The following ARHGAP15 variants were observed in gnomAD, a reference collection of about 807,000 sequenced individuals.
The protein encoded by ARHGAP15 is Rho GTPase activating protein 15.
A neutral mutation model predicts 63.7 loss-of-function variants in ARHGAP15; 51 were observed. The ratio of observed to expected loss-of-function variants is 0.80; its 90% CI spans 0.64 to 1.01. The LOEUF is 1.01. Among genes scored for constraint, ARHGAP15 ranks in the 50% least tolerant of loss-of-function variants. ARHGAP15 has a pLI of 0.00. For missense variants in ARHGAP15, 560 were observed against 564.6 expected (o/e 0.99, Z 0.08); for synonymous variants, 191 against 193.8 (o/e 0.99, Z 0.12).
chr2:143,294,773 C>T (rs1682565041), intron 6 of ARHGAP15, among the ~76,000 whole-genome samples: 1 of 152,072 alleles, frequency 6.6e-6, no homozygotes, highest in South Asian at 2.1e-4. Flanking sequence ...GATTCAGGTT[C>T]TCTAACATCC....
intron 10 of ARHGAP15, among the ~76,000 whole-genome samples, chr2:143,552,362 A>G (rs1197234852): frequency 6.6e-6 from 1 of 152,190 alleles, no homozygotes; most frequent in African/African-American, 2.4e-5. Context: ...ACTCATCTGC[A>G]TTGTCAAAAA....
At chr2:143,690,665 C>A (rs1247537568) in intron 12 of ARHGAP15, among the ~76,000 whole-genome samples, 1 of 152,142 alleles carries the variant, frequency 6.6e-6, no homozygotes, top group Non-Finnish European at 1.5e-5. Flanking sequence ...ATCTAAACCA[C>A]ACCTTGGTTC....
chr2:143,539,925 T>A (rs1694966709), intron 10 of ARHGAP15, among the ~76,000 whole-genome samples: 1 of 151,984 alleles, frequency 6.6e-6, no homozygotes, highest in Non-Finnish European at 1.5e-5. Context: ...GTTCAATTCC[T>A]GGATATCCTT....
At chr2:143,569,250 C>T (rs547132515) in intron 11 of ARHGAP15, among the ~76,000 whole-genome samples, 1 of 152,098 alleles carries the variant, frequency 6.6e-6, no homozygotes, top group East Asian at 1.9e-4. Flanking sequence ...TCTTGAAAAC[C>T]TTTTATGAAC....
intron 13 of ARHGAP15, among the ~76,000 whole-genome samples, chr2:143,730,003 G>A (rs1329028931): frequency 1.3e-5 from 2 of 152,136 alleles, no homozygotes; most frequent in Non-Finnish European, 2.9e-5. Flanking sequence ...TAGAGGTCAG[G>A]AATTGGACTT....
chr2:143,544,184 A>G (rs1403336335), intron 10 of ARHGAP15, among the ~76,000 whole-genome samples: 2 of 152,172 alleles, frequency 1.3e-5, no homozygotes, highest in Non-Finnish European at 2.9e-5. Flanking sequence ...CCCCAATAAG[A>G]AATAGTTTAT....
intron 8 of ARHGAP15, among the ~76,000 whole-genome samples, chr2:143,445,319 C>T (rs1054321339): frequency 7.2e-5 from 11 of 151,846 alleles, no homozygotes; most frequent in African/African-American, 1.9e-4. Context: ...GGCAACACCA[C>T]GCCTGGCTAA....
intron 6 of ARHGAP15, among the ~76,000 whole-genome samples, chr2:143,434,511 A>G (rs915010214): frequency 6.6e-6 from 1 of 152,132 alleles, no homozygotes; most frequent in African/African-American, 2.4e-5. Flanking sequence ...AGAATTATAG[A>G]GATGGCCTAA....
At chr2:143,702,471 G>C (rs917162622) in intron 12 of ARHGAP15, among the ~76,000 whole-genome samples, 1 of 152,026 alleles carries the variant, frequency 6.6e-6, no homozygotes, top group Admixed American at 6.6e-5. Context: ...AGGGAAAAAG[G>C]ATAACATGGA....
At chr2:143,536,895 G>T (rs1694796084) in intron 10 of ARHGAP15, among the ~76,000 whole-genome samples, 1 of 152,164 alleles carries the variant, frequency 6.6e-6, no homozygotes, top group South Asian at 2.1e-4. Context: ...ACCCAGTAAT[G>T]AGATGGCTGG....
chr2:143,646,405 G>A (rs1680880646), intron 12 of ARHGAP15, among the ~76,000 whole-genome samples: 1 of 152,050 alleles, frequency 6.6e-6, no homozygotes, highest in Admixed American at 6.6e-5. Context: ...TGGAGGCTCT[G>A]CCTTTTTTGC....
intron 10 of ARHGAP15, among the ~76,000 whole-genome samples, chr2:143,526,962 A>G (rs530961379): frequency 2.6e-5 from 4 of 152,180 alleles, no homozygotes; most frequent in Admixed American, 6.6e-5. Flanking sequence ...AAGAATCTAT[A>G]CATTGTATTT....
At chr2:143,425,800 C>G (rs1454033687) in intron 6 of ARHGAP15, among the ~76,000 whole-genome samples, 1 of 152,048 alleles carries the variant, frequency 6.6e-6, no homozygotes, top group Non-Finnish European at 1.5e-5. Flanking sequence ...TCATGGAGAG[C>G]AAAATCTAGA....
intron 11 of ARHGAP15, among the ~76,000 whole-genome samples, chr2:143,559,388 C>T (rs753921915): frequency 6.6e-6 from 1 of 152,180 alleles, no homozygotes; most frequent in Non-Finnish European, 1.5e-5. Context: ...TAAGGCTGGA[C>T]AGAGGCCTGA....
At position 143,587,043 on chromosome 2, in the gene ARHGAP15, C is replaced by A. The variant is rs1216017498; in HGVS notation, c.1003+30558C>A. 2.0e-5 allele frequency among the ~76,000 whole-genome samples: 3 copies of A among 152,052 alleles called. No homozygotes were observed. In the East Asian group the frequency reaches 5.8e-4, roughly 29 times the overall value. Reference sequence around the variant, plus strand: ...TTTGGCACTGTTCCTATGTGATGATCCTGAGGAATGGACAATAAAATGATT... The same window carrying A: ...TTTGGCACTGTTCCTATGTGATGATACTGAGGAATGGACAATAAAATGATT... On this transcript the variant is annotated intron_variant, in intron 11 of 13. Coordinates refer to ENST00000295095, the MANE Select transcript of ARHGAP15 (RefSeq NM_018460.4).
intron 5 of ARHGAP15, among the ~76,000 whole-genome samples, chr2:143,230,817 T>C (rs1343251302): frequency 6.6e-6 from 1 of 152,196 alleles, no homozygotes; most frequent in Non-Finnish European, 1.5e-5. Context: ...AGATTTATGC[T>C]CAAGTTTCTG....
At chr2:143,592,908 T>G (rs1697375725) in intron 11 of ARHGAP15, among the ~76,000 whole-genome samples, 1 of 152,196 alleles carries the variant, frequency 6.6e-6, no homozygotes, top group Non-Finnish European at 1.5e-5. Flanking sequence ...ACAAAGGTGA[T>G]TTGACTTTTC....
chr2:143,362,185 A>G (rs926135039), intron 6 of ARHGAP15, among the ~76,000 whole-genome samples: 4 of 152,140 alleles, frequency 2.6e-5, no homozygotes, highest in Non-Finnish European at 5.9e-5. Flanking sequence ...GTGCTCCTAT[A>G]ATACCCTGAA....
chr2:143,457,578 T>G (rs1029168475), intron 8 of ARHGAP15, among the ~76,000 whole-genome samples: 4 of 150,596 alleles, frequency 2.7e-5, no homozygotes, highest in African/African-American at 9.7e-5. Context: ...TTTTACATAT[T>G]TATATTGTTG....
Sources: gnomAD v4.1 joint callset for allele counts (sites outside exome capture counted in the v4.1 genomes callset) on GRCh38, gnomAD v4.1.1 for gene constraint, MANE v1.5 for transcripts, NCBI Gene and HGNC (gene_info 2026-07-23, HGNC 2026-07-21) for gene names.